ROBO2: variants seen among roughly 807,000 people sequenced by gnomAD.
ROBO2 encodes roundabout guidance receptor 2.
Under a neutral mutation model 160.8 loss-of-function variants are expected in ROBO2, and 53 were observed. The ratio of observed to expected loss-of-function variants is 0.33; its 90% confidence interval spans 0.26 to 0.41. The LOEUF (loss-of-function observed/expected upper bound fraction) is 0.41, where lower values mean the gene tolerates loss of function less well. Ranked by LOEUF, ROBO2 falls within the 10% of genes least tolerant of loss-of-function variation. ROBO2 has a pLI of 1.00. For missense variants in ROBO2, 1,577 were observed against 1,722.4 expected (o/e 0.92, Z 1.49); for synonymous variants, 664 against 611.7 (o/e 1.09, Z -1.26).
At chr3:77,539,209 C>T (rs972870016) in intron 6 of ROBO2, among the ~76,000 whole-genome samples, 1 of 152,128 alleles carries the variant, frequency 6.6e-6, no homozygotes, top group Non-Finnish European at 1.5e-5. Context: ...AGTGAGCCAC[C>T]GCCCCCCGGC....
chr3:76,548,636 A>ATTTTTTTTTTTTTTTTTT (rs5850259), intron 2 of ROBO2, among the ~76,000 whole-genome samples: 1 of 146,720 alleles, frequency 6.8e-6, no homozygotes. Context: ...CAGAGGGAGG[A>ATTTTTTTTTTTTTTTTTT]TTTTTTTTTT....
At chr3:76,872,831 T>C (rs889620891) in intron 2 of ROBO2, among the ~76,000 whole-genome samples, 1 of 152,034 alleles carries the variant, frequency 6.6e-6, no homozygotes, top group South Asian at 2.1e-4. Flanking sequence ...TTGGCATCTG[T>C]CCAGTATTTT....
At chr3:76,478,568 A>G (rs545480514) in intron 2 of ROBO2, among the ~76,000 whole-genome samples, 15 of 152,162 alleles carry the variant, frequency 9.9e-5, no homozygotes, top group African/African-American at 3.4e-4. Context: ...CTAGCAATTT[A>G]TAGTAAATGA....
intron 6 of ROBO2, 110 bp downstream of exon 7, chr3:77,527,524 T>TA: frequency 1.2e-6 from 1 of 854,322 alleles, no homozygotes; most frequent in Non-Finnish European, 1.6e-6. Flanking sequence ...CATGTTAAAA[T>TA]AATACTTGAG....
At chr3:76,117,484 GTC>G (rs1395910854) in intron 2 of ROBO2, among the ~76,000 whole-genome samples, 13 of 152,100 alleles carry the variant, frequency 8.5e-5, no homozygotes, top group Admixed American at 7.9e-4. Flanking sequence ...TAACAAGAAT[GTC>G]TCTGTGTATG....
intron 2 of ROBO2, among the ~76,000 whole-genome samples, chr3:76,334,565 T>C (rs1443563738): frequency 6.6e-6 from 1 of 152,136 alleles, no homozygotes; most frequent in Non-Finnish European, 1.5e-5. Flanking sequence ...CTTTTCTTTT[T>C]TTAAGAGATT....
In ROBO2 at chr3:76,943,417, G is replaced by A. The variant is rs72900158; in HGVS notation, c.110-154597G>A. ...CCATTCACCTATAATTGTTCTTCTG[G>A]TATTTCAGCCTGCCTTTAATGATCT... is the stretch of plus-strand genomic sequence containing the variant. On this transcript the variant is annotated intron_variant, in intron 2 of 26. Coordinates refer to the ROBO2 transcript ENST00000487694. Among the ~76,000 whole-genome samples the A allele has an allele frequency of 7.1e-3, 1,082 of 152,262 alleles. 14 individuals are homozygous for A. Among genetic ancestry groups the A allele is most frequent in the African/African-American group, 0.024 (1,013 of 41,568 alleles).
intron 2 of ROBO2, among the ~76,000 whole-genome samples, chr3:76,000,494 T>C (rs536193474): frequency 5.3e-5 from 8 of 149,844 alleles, no homozygotes; most frequent in Non-Finnish European, 1.0e-4. Context: ...CGCTTATTTT[T>C]TTTTTTTTTT....
intron 1 of ROBO2, among the ~76,000 whole-genome samples, chr3:77,041,910 T>A (rs1346927555): frequency 1.3e-5 from 2 of 152,214 alleles, no homozygotes; most frequent in African/African-American, 4.8e-5. Flanking sequence ...CACAATAGCT[T>A]GTTGCCACAT....
At chr3:77,543,173 A>G (rs2092552777) in intron 6 of ROBO2, among the ~76,000 whole-genome samples, 1 of 151,820 alleles carries the variant, frequency 6.6e-6, no homozygotes, top group Admixed American at 6.6e-5. Flanking sequence ...TTCTCACAAC[A>G]TGGCCTGATT....
At chr3:76,201,436 T>C (rs1330733685) in intron 2 of ROBO2, among the ~76,000 whole-genome samples, 1 of 152,138 alleles carries the variant, frequency 6.6e-6, no homozygotes, top group Non-Finnish European at 1.5e-5. Context: ...TACCTTAAGT[T>C]AGAGTTTTAG....
intron 2 of ROBO2, among the ~76,000 whole-genome samples, chr3:76,359,136 T>G (rs1252667259): frequency 2.0e-5 from 3 of 151,946 alleles, no homozygotes; most frequent in African/African-American, 7.3e-5. Context: ...TATTCCATGG[T>G]GTGTGTGTGC....
chr3:76,828,750 A>T (rs1372774051), intron 2 of ROBO2, among the ~76,000 whole-genome samples: 1 of 152,070 alleles, frequency 6.6e-6, no homozygotes, highest in Non-Finnish European at 1.5e-5. Context: ...TGGTCCCTTG[A>T]TATTTTTCTT....
intron 2 of ROBO2, among the ~76,000 whole-genome samples, chr3:76,383,417 A>T (rs941405443): frequency 3.3e-5 from 5 of 152,202 alleles, no homozygotes; most frequent in African/African-American, 1.2e-4. Flanking sequence ...GCTGCTTTTG[A>T]TACTTGTATA....
Position 76,135,870 on chromosome 3 carries a change from C to T in ROBO2, c.109+198268C>T, listed in dbSNP as rs150471605. On this transcript the variant is annotated intron_variant, in intron 2 of 26. Transcript: ENST00000487694. ...TGACAAATTCCAGAGATGAATTTTGCGTGTGCTGAAGAGGAAATATTACTT... is the reference window on the plus strand; with the variant it reads ...TGACAAATTCCAGAGATGAATTTTGTGTGTGCTGAAGAGGAAATATTACTT... Among the ~76,000 whole-genome samples the T allele has an allele frequency of 2.1e-3, 323 of 152,062 alleles. 3 individuals are homozygous for T. Among genetic ancestry groups the T allele is most frequent in the Non-Finnish European group, 3.8e-3 (257 of 67,998 alleles).
At chr3:77,033,866 T>C in intron 2 of ROBO2, among the ~76,000 whole-genome samples, 1 of 152,158 alleles carries the variant, frequency 6.6e-6, no homozygotes, top group East Asian at 1.9e-4. Flanking sequence ...CACTTTATAT[T>C]TCTGATAAAT....
intron 2 of ROBO2, among the ~76,000 whole-genome samples, chr3:77,220,694 T>G (rs940075697): frequency 1.3e-5 from 2 of 152,122 alleles, no homozygotes; most frequent in Non-Finnish European, 2.9e-5. Context: ...ATCATGTAAG[T>G]TATAAATAAA....
intron 2 of ROBO2, among the ~76,000 whole-genome samples, chr3:77,425,765 G>C (rs1004455822): frequency 6.6e-6 from 1 of 151,060 alleles, no homozygotes; most frequent in Non-Finnish European, 1.5e-5. Flanking sequence ...CTGGGTTCAC[G>C]CCATTCTCCT....
At chr3:76,469,725 C>T (rs532808039) in intron 2 of ROBO2, among the ~76,000 whole-genome samples, 1 of 152,174 alleles carries the variant, frequency 6.6e-6, no homozygotes, top group African/African-American at 2.4e-5. Flanking sequence ...GTCACAGAGT[C>T]CTCTGTCTAC....
Sources: gnomAD v4.1 joint callset for allele counts (sites outside exome capture counted in the v4.1 genomes callset) on GRCh38, gnomAD v4.1.1 for gene constraint, MANE v1.5 for transcripts, NCBI Gene and HGNC (gene_info 2026-07-23, HGNC 2026-07-21) for gene names.